Variants in BRSK2 observed in about 807,000 individuals in gnomAD.
BRSK2 encodes the protein BR serine/threonine kinase 2, also known as serine/threonine-protein kinase BRSK2.
Under a neutral mutation model 83.3 loss-of-function variants are expected in BRSK2, and 19 were observed. That is an observed-to-expected ratio of 0.23 (90% CI 0.16 to 0.33). The LOEUF is 0.33. Among genes scored for constraint, BRSK2 ranks in the 10% least tolerant of loss-of-function variants. The pLI is 1.00. For synonymous variants in BRSK2, 519 were observed against 435.4 expected, an observed-to-expected ratio of 1.19 and a Z score of -2.39; for missense variants, 798 against 1,042.3, an observed-to-expected ratio of 0.77 and a Z score of 3.23.
chr11:1,401,557 G>A (rs1404797427), intron 1 of BRSK2, among the ~76,000 whole-genome samples: 3 of 152,186 alleles, frequency 2.0e-5, no homozygotes, highest in African/African-American at 7.2e-5. Context: ...CCTCCTGCAG[G>A]CTGCACTGAG....
chr11:1,398,713 C>T (rs1454116263), intron 1 of BRSK2, among the ~76,000 whole-genome samples: 1 of 152,186 alleles, frequency 6.6e-6, no homozygotes, highest in Non-Finnish European at 1.5e-5. Context: ...ATAGGCCTTT[C>T]CCCAGGGCAG....
chr11:1,410,724 A>G (rs1012514753), intron 1 of BRSK2: 2 of 984,840 alleles, frequency 2.0e-6, no homozygotes, highest in African/African-American at 1.8e-5. Context: ...GGGTGGGACC[A>G]TGGGGGAGGC....
At chr11:1,449,968 C>T (rs1447797454) in intron 13 of BRSK2, 132 bp downstream of exon 13, 1 of 626,328 alleles carries the variant, frequency 1.6e-6, no homozygotes, top group Non-Finnish European at 2.8e-6. Flanking sequence ...GCCCACGCTC[C>T]TGTGGCGGCT....
rs1017990524 is a variant in BRSK2 at position 1,438,619 on chromosome 11, G to T, written c.272+228G>T. Among the ~76,000 whole-genome samples, 1 of 152,132 alleles carries T rather than the reference G, an allele frequency of 6.6e-6. No homozygotes were observed. Among genetic ancestry groups the T allele is most frequent in the Non-Finnish European group, 1.5e-5 (1 of 68,020 alleles). ...CCGGAGACCTGGTCTGTGGAGGCTC[G>T]CAGAGCCACCAGCCTGAGGCTGGCA... is the stretch of plus-strand genomic sequence containing the variant. On this transcript the variant is annotated intron_variant, in intron 3 of 19. Transcript: ENST00000528841. This position sits in a 1 kb window ranked among gnomAD's most constrained non-coding sequence, Gnocchi z 6.4.
At chr11:1,428,781 G>A (rs775776248) in intron 1 of BRSK2, among the ~76,000 whole-genome samples, 24 of 152,060 alleles carry the variant, frequency 1.6e-4, no homozygotes, top group South Asian at 4.2e-4. Context: ...TGTGCACTGC[G>A]GGTGTGTGTG....
In BRSK2 at chr11:1,460,822, C is replaced by CGTCCAGACTGTTCTCAGA; in HGVS notation, c.*101_*118dup. Reference sequence around the variant, plus strand: ...TGGACCCGCGGCCGCGCCGCCCGTCCGTCCAGACTGTTCTCAGAGCCTGGG... The same window carrying CGTCCAGACTGTTCTCAGA: ...TGGACCCGCGGCCGCGCCGCCCGTCCGTCCAGACTGTTCTCAGAGTCCAGACTGTTCTCAGAGCCTGGG... On this transcript the variant is annotated 3_prime_UTR_variant, in exon 20 of 20. Transcript: ENST00000528841. 3 of 1,497,492 alleles carry CGTCCAGACTGTTCTCAGA rather than the reference C, an allele frequency of 2.0e-6. No individual in the cohort carries two copies. The highest frequency in any genetic ancestry group is 2.7e-6 in the Non-Finnish European group (3 of 1,131,294). The allele number at this position is 1,497,492 out of a possible 1,614,324, so 92.8% of individuals were successfully genotyped here. A position where few individuals can be genotyped will look rare whatever the true frequency, so the allele number is the denominator to read the frequency against.
chr11:1,454,068 G>A lies in BRSK2; in HGVS notation c.1545-417G>A, dbSNP rs550138607. On this transcript the variant is annotated intron_variant, in intron 15 of 19. Coordinates refer to ENST00000528841, the MANE Select transcript of BRSK2 (RefSeq NM_001256627.2). This position sits in a 1 kb window ranked among gnomAD's most constrained non-coding sequence, Gnocchi z 5.2. ...GCCTCCCCACTCTCCTGTTGGAAGC[G>A]AGTTGCAGGCCCCGCCTGCTCCTGG... 7.4e-5 allele frequency: 12 copies of A among 162,192 alleles called. No homozygotes were observed. Among genetic ancestry groups the A allele is most frequent in the East Asian group, 3.6e-4 (2 of 5,570 alleles). 10.0% of individuals were successfully genotyped at this position (162,192 alleles called of 1,614,324 possible).
In BRSK2 at chr11:1,454,201, C is replaced by T. The variant is rs1846188928; in HGVS notation, c.1545-284C>T. The T allele has an allele frequency of 2.2e-5, 5 of 223,592 alleles. No individual in the cohort carries two copies. Among genetic ancestry groups the T allele is most frequent in the Admixed American group, 1.4e-4 (2 of 14,560 alleles). The allele number at this position is 223,592 out of a possible 1,614,324, so 13.9% of individuals were successfully genotyped here. On this transcript the variant is annotated intron_variant, in intron 15 of 19. Coordinates refer to ENST00000528841, the MANE Select transcript of BRSK2 (RefSeq NM_001256627.2). This position sits in a 1 kb window ranked among gnomAD's most constrained non-coding sequence, Gnocchi z 5.2. ...GGGGCTCACCTGTGGAGGGGCATCCCCAGACTTGGGAGTGGGTGGCATATG... is the reference window on the plus strand; with the variant it reads ...GGGGCTCACCTGTGGAGGGGCATCCTCAGACTTGGGAGTGGGTGGCATATG...
At chr11:1,403,054 C>T (rs1227644728) in intron 1 of BRSK2, among the ~76,000 whole-genome samples, 1 of 152,174 alleles carries the variant, frequency 6.6e-6, no homozygotes, top group Non-Finnish European at 1.5e-5. Flanking sequence ...GGGGCCACCA[C>T]GGGGTAGGTG....
intron 1 of BRSK2, among the ~76,000 whole-genome samples, chr11:1,391,867 G>A (rs943895707): frequency 3.9e-5 from 6 of 152,178 alleles, no homozygotes; most frequent in African/African-American, 1.4e-4. Flanking sequence ...GCTGTGCGCG[G>A]CCTCGGTGGG....
rs757214274 is a variant in BRSK2 at position 1,456,410 on chromosome 11, G to A, written c.1731G>A (p.Thr577=). The part of the protein sequence containing the change: ...QTSFRAEYKA[T]GGPAVFQKPV... ...GCTTCCGGGCCGAGTACAAGGCCAC[G>A]GGGGGGCCAGCCGTGTTCCAGAAGC... The change falls in exon 17 of 20, where the codon ACG becomes ACA. Residue 577 remains threonine (T), a synonymous_variant. Coordinates refer to ENST00000528841, the MANE Select transcript of BRSK2 (RefSeq NM_001256627.2). 82 of 1,598,676 alleles carry A rather than the reference G, an allele frequency of 5.1e-5. No homozygotes were observed. Among genetic ancestry groups the A allele is most frequent in the South Asian group, 1.1e-4 (10 of 88,594 alleles).
At chr11:1,447,976 T>A in intron 12 of BRSK2, 1 of 1,081,836 alleles carries the variant, frequency 9.2e-7, no homozygotes, top group Non-Finnish European at 1.4e-6. Flanking sequence ...GCAGGGCTCC[T>A]GCTGCGGTGA....
At chr11:1,422,531 G>C (rs926719729) in intron 1 of BRSK2, among the ~76,000 whole-genome samples, 43 of 152,250 alleles carry the variant, frequency 2.8e-4, no homozygotes, top group African/African-American at 8.9e-4. Flanking sequence ...TCCTGAGTTT[G>C]CAGTTGCTAC....
rs900260529 is a variant in BRSK2 at position 1,395,578 on chromosome 11, A to G, written c.91+5203A>G. Among the ~76,000 whole-genome samples the G allele has an allele frequency of 7.9e-5, 12 of 152,022 alleles. No individual in the cohort carries two copies. The East Asian group carries it at 2.1e-3, about 27-fold the overall frequency. On this transcript the variant is annotated intron_variant, in intron 1 of 19. Transcript: ENST00000528841. ...GGGCGGGAGGGTCGTTGGAGGCGGGAGCCCTAGGCCCTTGTCCTGTCCCCA... is the reference window on the plus strand; with the variant it reads ...GGGCGGGAGGGTCGTTGGAGGCGGGGGCCCTAGGCCCTTGTCCTGTCCCCA...
intron 1 of BRSK2, chr11:1,411,636 G>A (rs764109969): frequency 2.0e-4 from 305 of 1,542,080 alleles, no homozygotes; most frequent in Non-Finnish European, 2.5e-4. Context: ...CCCAGCAGGT[G>A]CGTGCCACGC....
rs996196439 is a variant in BRSK2 at position 1,462,459 on chromosome 11, C to A, written c.*1736C>A. 2 of 152,274 alleles carry A rather than the reference C, an allele frequency of 1.3e-5. No homozygotes were observed. The highest frequency in any genetic ancestry group is 1.3e-4 in the Admixed American group (2 of 15,292). The allele number at this position is 152,274 out of a possible 1,614,324, so 9.4% of individuals were successfully genotyped here. On this transcript the variant is annotated 3_prime_UTR_variant, in exon 20 of 20. Transcript: ENST00000528841. The stretch of plus-strand genomic sequence containing the variant: ...AGGCTGGGATTTCTATACATAAGAA[C>A]AAAAGCAAACACCTAGGACAGCAAA...
intron 18 of BRSK2, among the ~76,000 whole-genome samples, 158 bp from the exon 19 acceptor site, chr11:1,459,034 T>G (rs1022819627): frequency 1.1e-4 from 8 of 73,208 alleles, no homozygotes; most frequent in African/African-American, 3.7e-4. Context: ...CCCCGCCCCC[T>G]CTGGCTCTGG....
chr11:1,456,969 G>C (rs761184126), intron 18 of BRSK2: 6 of 1,597,438 alleles, frequency 3.8e-6, no homozygotes, highest in Non-Finnish European at 5.1e-6. Flanking sequence ...CCCCCCACCA[G>C]CGCCAGGACT....
At chr11:1,429,261 GT>G in intron 1 of BRSK2, among the ~76,000 whole-genome samples, 1 of 109,266 alleles carries the variant, frequency 9.2e-6, no homozygotes, top group Non-Finnish European at 1.7e-5. Flanking sequence ...ATGTGCACAG[GT>G]GTGTGTGCAC....
Sources: allele counts gnomAD v4.1 joint callset (sites outside exome capture counted in the v4.1 genomes callset), GRCh38; gene constraint gnomAD v4.1.1; non-coding constraint Gnocchi (gnomAD v3.1); transcripts MANE v1.5; gene names NCBI Gene and HGNC (gene_info 2026-07-23, HGNC 2026-07-21).